Variants in CCDC57 observed in about 807,000 individuals in gnomAD.
CCDC57 encodes the protein coiled-coil domain containing 57.
A neutral mutation model predicts 118.9 loss-of-function variants in CCDC57; 118 were observed. The ratio of observed to expected loss-of-function variants is 0.99; its 90% CI spans 0.86 to 1.16. CCDC57 has a LOEUF of 1.16. Ranked by LOEUF, CCDC57 falls within the 50% of genes most tolerant of loss-of-function variation. The pLI is 0.00. For missense variants in CCDC57, 1,300 were observed against 1,320.7 expected (o/e 0.98, Z 0.24); for synonymous variants, 527 against 532.9 (o/e 0.99, Z 0.15).
At position 82,171,747 on chromosome 17, in the gene CCDC57, AG is replaced by A; in HGVS notation, c.1835del (p.Pro612LeufsTer59). The A allele has an allele frequency of 6.2e-7, 1 of 1,613,790 alleles. No individual in the cohort carries two copies. The highest frequency in any genetic ancestry group is 8.5e-7 in the Non-Finnish European group (1 of 1,179,710). ...GGACGCTGGGCTGAGACTCAGCATG[AG>A]GTGAGGACATCTTTAAAGGATCCAA... On this transcript the variant is annotated frameshift_variant, in exon 13 of 20. Coordinates refer to ENST00000665763, the Ensembl canonical transcript of CCDC57. LOFTEE classifies it high-confidence loss of function.
At chr17:82,134,183 G>GCAA (rs1457810843) in exon 17 of CCDC57, 1 of 1,325,026 alleles carries the variant, frequency 7.5e-7, no homozygotes, top group African/African-American at 1.5e-5. Flanking sequence ...AGGGCGTGGT[G>GCAA]CAACAGCCAC....
At chr17:82,140,525 A>G (rs1447967834) in intron 16 of CCDC57, among the ~76,000 whole-genome samples, 1 of 152,156 alleles carries the variant, frequency 6.6e-6, no homozygotes, top group African/African-American at 2.4e-5. Flanking sequence ...CCGGCCAGGG[A>G]TATCTTACTC....
intron 5 of CCDC57, 137 bp from the exon 5 acceptor site, chr17:82,194,276 A>C (rs2048030441): frequency 1.1e-6 from 1 of 875,652 alleles, no homozygotes; most frequent in Non-Finnish European, 1.7e-6. Context: ...AACAGTGAGA[A>C]TGTCCTAACA....
intron 15 of CCDC57, chr17:82,156,868 G>C (rs957656356): frequency 2.0e-5 from 3 of 152,408 alleles, no homozygotes; most frequent in Non-Finnish European, 4.4e-5. Context: ...CTCTATTCCA[G>C]CCTGAGTCCC....
intron 7 of CCDC57, among the ~76,000 whole-genome samples, 161 bp from the exon 7 acceptor site, chr17:82,188,580 C>T (rs1023870561): frequency 6.6e-6 from 1 of 152,234 alleles, no homozygotes; most frequent in Non-Finnish European, 1.5e-5. Flanking sequence ...CCTCATTCCT[C>T]GCAGGTAAAC....
chr17:82,199,653 C>T (rs1395779955), intron 3 of CCDC57, among the ~76,000 whole-genome samples: 4 of 152,146 alleles, frequency 2.6e-5, no homozygotes, highest in Non-Finnish European at 5.9e-5. Flanking sequence ...AGTCAGCACC[C>T]GCACGGCGGG....
intron 13 of CCDC57, among the ~76,000 whole-genome samples, chr17:82,164,930 G>GTT (rs1251777959): frequency 6.6e-6 from 1 of 152,176 alleles, no homozygotes; most frequent in African/African-American, 2.4e-5. Flanking sequence ...TGAGGCCAGC[G>GTT]TAACTCTGAT....
intron 9 of CCDC57, among the ~76,000 whole-genome samples, chr17:82,179,679 G>A (rs936737041): frequency 6.6e-6 from 1 of 152,072 alleles, no homozygotes; most frequent in Non-Finnish European, 1.5e-5. Context: ...CAGAGGGGTG[G>A]GAACGCAGGA....
At chr17:82,209,638 T>C (rs914156347) in intron 1 of CCDC57, among the ~76,000 whole-genome samples, 1 of 152,060 alleles carries the variant, frequency 6.6e-6, no homozygotes, top group African/African-American at 2.4e-5. Context: ...CACGCCACCA[T>C]GGCTGGCTAA....
intron 14 of CCDC57, 64 bp from the exon 14 acceptor site, chr17:82,158,012 G>T (rs2042880293): frequency 2.7e-6 from 4 of 1,505,454 alleles, no homozygotes; most frequent in South Asian, 2.5e-5. Context: ...CAGGCCCCTG[G>T]GCACTGACAG....
At chr17:82,145,349 C>A (rs1045198094) in intron 16 of CCDC57, among the ~76,000 whole-genome samples, 8 of 150,884 alleles carry the variant, frequency 5.3e-5, no homozygotes, top group African/African-American at 1.9e-4. Flanking sequence ...GAGTATGAGA[C>A]CAGCCTGGCC....
chr17:82,116,801 C>A (rs2035974260), intron 19 of CCDC57, among the ~76,000 whole-genome samples: 1 of 152,198 alleles, frequency 6.6e-6, no homozygotes, highest in Admixed American at 6.5e-5. Context: ...CACACAGAAC[C>A]ATTCCCATTA....
chr17:82,123,356 T>C (rs1487214562), intron 19 of CCDC57, among the ~76,000 whole-genome samples: 1 of 148,564 alleles, frequency 6.7e-6, no homozygotes, highest in African/African-American at 2.5e-5. Context: ...GTGGAACCTC[T>C]GAGTTCAAGC....
chr17:82,204,166 C>G (rs2049319735), intron 2 of CCDC57, among the ~76,000 whole-genome samples: 1 of 152,164 alleles, frequency 6.6e-6, no homozygotes, highest in Admixed American at 6.5e-5. Flanking sequence ...TCCTGCGATG[C>G]AACCCCCGCG....
chr17:82,138,765 T>C (rs573443507), intron 16 of CCDC57, among the ~76,000 whole-genome samples: 1 of 149,670 alleles, frequency 6.7e-6, no homozygotes, highest in East Asian at 1.9e-4. Context: ...TGAGGAACTG[T>C]GTGCTGTGCT....
chr17:82,211,265 A>G (rs1228990932), intron 1 of CCDC57, among the ~76,000 whole-genome samples: 1 of 152,166 alleles, frequency 6.6e-6, no homozygotes. Flanking sequence ...TATGAAATCA[A>G]TTATGACAAA....
intron 15 of CCDC57, chr17:82,153,416 C>T (rs1334687347): frequency 6.6e-6 from 1 of 152,246 alleles, no homozygotes; most frequent in African/African-American, 2.4e-5. Context: ...GCAGTCCCCT[C>T]TCCCTGCAAA....
At chr17:82,101,618 G>A (rs1293635623) in exon 20 of CCDC57, 1 of 1,351,100 alleles carries the variant, frequency 7.4e-7, no homozygotes, top group Non-Finnish European at 1.0e-6. Context: ...ACACGTAGGT[G>A]AAAGCACAGG....
At chr17:82,122,119 C>T (rs1485284499) in intron 19 of CCDC57, among the ~76,000 whole-genome samples, 1 of 152,188 alleles carries the variant, frequency 6.6e-6, no homozygotes, top group Non-Finnish European at 1.5e-5. Context: ...AGGCGCCAAC[C>T]CACCATTTTA....
Sources: allele counts gnomAD v4.1 joint callset (sites outside exome capture counted in the v4.1 genomes callset), GRCh38; gene constraint gnomAD v4.1.1; transcripts MANE v1.5; gene names NCBI Gene and HGNC (gene_info 2026-07-23, HGNC 2026-07-21).